MYRF: variants seen among roughly 807,000 people sequenced by gnomAD.
The protein encoded by MYRF is myelin regulatory factor, also known as myelin gene regulatory factor.
In MYRF, 16 loss-of-function variants were observed where a neutral mutation model predicts 126.3. That is an observed-to-expected ratio of 0.13 (90% CI 0.09 to 0.19). The LOEUF (loss-of-function observed/expected upper bound fraction) is 0.19, where lower values mean the gene tolerates loss of function less well. Ranked by LOEUF, MYRF falls within the 10% of genes least tolerant of loss-of-function variation. The pLI, the probability that MYRF is intolerant of heterozygous loss-of-function variation, is 1.00. For synonymous variants in MYRF, 608 were observed against 635.3 expected, an observed-to-expected ratio of 0.96 and a Z score of 0.65; for missense variants, 1,104 against 1,547.0, an observed-to-expected ratio of 0.71 and a Z score of 4.80.
At chr11:61,773,524 TCCA>T (rs1414307131) in intron 7 of MYRF, among the ~76,000 whole-genome samples, 2 of 152,168 alleles carry the variant, frequency 1.3e-5, no homozygotes, top group African/African-American at 4.8e-5. Flanking sequence ...GGCGCCTGGT[TCCA>T]CCGTTTCCAG....
intron 16 of MYRF, 42 bp downstream of exon 16, chr11:61,779,612 C>T (rs1463643971): frequency 6.9e-7 from 1 of 1,452,576 alleles, no homozygotes; most frequent in South Asian, 1.5e-5. Context: ...GAAAGGGGGC[C>T]TCCCTTGTGG....
intron 1 of MYRF, among the ~76,000 whole-genome samples, chr11:61,763,486 CTG>C (rs2065958375): frequency 6.6e-6 from 1 of 152,260 alleles, no homozygotes; most frequent in Admixed American, 6.5e-5. Flanking sequence ...GTCACTGTCT[CTG>C]TCATGGTCAG....
intron 4 of MYRF, among the ~76,000 whole-genome samples, chr11:61,769,916 C>T (rs1193800678): frequency 6.6e-6 from 1 of 151,978 alleles, no homozygotes; most frequent in Non-Finnish European, 1.5e-5. Flanking sequence ...GAGACGCCTT[C>T]CTGAGGCCCA....
At chr11:61,767,499 C>T in intron 3 of MYRF, 1 of 452,008 alleles carries the variant, frequency 2.2e-6, no homozygotes, top group Non-Finnish European at 4.5e-6. Flanking sequence ...CAGGAAGGGA[C>T]CCAGGGCCAG....
chr11:61,771,691 C>T lies in MYRF; in HGVS notation c.932C>T (p.Pro311Leu). 6.2e-7 allele frequency: 1 copy of T among 1,613,860 alleles called. No homozygotes were observed. Among genetic ancestry groups the T allele is most frequent in the Non-Finnish European group, 8.5e-7 (1 of 1,179,982 alleles). Reference protein sequence around the residue: ...GPLSPGPGSLPLSIARVQTPP... With the variant: ...GPLSPGPGSLLLSIARVQTPP... ...CTCTCCCCGGGCCCTGGTTCCTTGC[C>T]TCTCAGCATTGCCCGTGTCCAGACA... The change falls in exon 6 of 27, where the codon CCT becomes CTT. Residue 311 changes from proline to leucine, a missense_variant. Transcript: ENST00000278836.
intron 1 of MYRF, among the ~76,000 whole-genome samples, chr11:61,761,433 G>T (rs2065897777): frequency 6.6e-6 from 1 of 152,204 alleles, no homozygotes. Flanking sequence ...GAGCGGAGGG[G>T]AGGGGGCTGC....
rs1342200708 is a variant in MYRF at position 61,778,701 on chromosome 11, G to T, written c.2013+212G>T. ...GGTAGGGATTTGGCCCCTGGAGCCT[G>T]TGTGATCAAGGGCAAGAGAAACCCT... On this transcript the variant is annotated intron_variant, in intron 14 of 26. Coordinates refer to ENST00000278836, the MANE Select transcript of MYRF (RefSeq NM_001127392.3). The surrounding 1 kb of genome is among the most constrained non-coding windows in gnomAD (Gnocchi z 4.6). The T allele has an allele frequency of 4.5e-6, 3 of 660,234 alleles. No individual in the cohort carries two copies. In the African/African-American group the frequency reaches 5.3e-5, roughly 12 times the overall value. 40.9% of individuals were successfully genotyped at this position (660,234 alleles called of 1,614,324 possible). A position where few individuals can be genotyped will look rare whatever the true frequency, so the allele number is the denominator to read the frequency against.
rs768673505 is a variant in MYRF at position 61,788,427 on chromosome 11, G to A, written c.*2284G>A. ...GGTGGGCAGTGAGGGAAGCAGCCCC[G>A]GGCCTGCTTGCTTCCTGTCCCCGAA... On this transcript the variant is annotated 3_prime_UTR_variant, in exon 27 of 27. Transcript: ENST00000278836. The A allele has an allele frequency of 6.6e-6, 1 of 152,258 alleles. No individual in the cohort carries two copies. The highest frequency in any genetic ancestry group is 2.4e-5 in the African/African-American group (1 of 41,412). The allele number at this position is 152,258 out of a possible 1,614,324, so 9.4% of individuals were successfully genotyped here.
At chr11:61,781,530 G>A (rs751626042) in intron 21 of MYRF, 43 bp from the exon 22 acceptor site, 1 of 1,589,982 alleles carries the variant, frequency 6.3e-7, no homozygotes, top group South Asian at 1.1e-5. Context: ...ACAGGAAGCA[G>A]CCAGCTTCCA....
intron 17 of MYRF, 99 bp from the exon 18 acceptor site, chr11:61,780,123 G>A (rs2066500343): frequency 7.0e-7 from 1 of 1,436,626 alleles, no homozygotes; most frequent in South Asian, 1.2e-5. Flanking sequence ...GCATCACCTG[G>A]GAGCCCAGCC....
rs2066451813 is a variant in MYRF at position 61,778,612 on chromosome 11, A to C, written c.2013+123A>C. ...AGAGGCAGGAGCACCCTCGGCTCTC[A>C]TGCTGCCTCCAGAGCGCCCTCTGCA... On this transcript the variant is annotated intron_variant, in intron 14 of 26. Transcript: ENST00000278836. The surrounding 1 kb of genome is among the most constrained non-coding windows in gnomAD (Gnocchi z 4.6). 1.3e-6 allele frequency: 1 copy of C among 744,248 alleles called. No individual in the cohort carries two copies. The highest frequency in any genetic ancestry group is 1.7e-5 in the African/African-American group (1 of 58,258). The allele number at this position is 744,248 out of a possible 1,614,324, so 46.1% of individuals were successfully genotyped here.
At position 61,757,154 on chromosome 11, in the gene MYRF, A is replaced by G; in HGVS notation, c.46+4364A>G. The G allele has an allele frequency of 2.2e-6, 1 of 456,524 alleles. No homozygotes were observed. Among genetic ancestry groups the G allele is most frequent in the South Asian group, 1.5e-5 (1 of 64,546 alleles). 28.3% of individuals were successfully genotyped at this position (456,524 alleles called of 1,614,324 possible). On this transcript the variant is annotated intron_variant, in intron 1 of 26. Transcript: ENST00000278836. The surrounding 1 kb of genome is among the most constrained non-coding windows in gnomAD (Gnocchi z 4.7). ...TTTCTCTCATTGCCTTGGGTGCTGG[A>G]GTATGTGGGGCCTCCTCTCCTATCT...
At chr11:61,764,858 T>C (rs1473121219) in intron 1 of MYRF, among the ~76,000 whole-genome samples, 1 of 152,224 alleles carries the variant, frequency 6.6e-6, no homozygotes, top group East Asian at 1.9e-4. Flanking sequence ...AGTGGAGCTC[T>C]GGCGGCCATC....
intron 1 of MYRF, among the ~76,000 whole-genome samples, chr11:61,755,866 T>C (rs1565275953): frequency 6.6e-6 from 1 of 152,120 alleles, no homozygotes; most frequent in Non-Finnish European, 1.5e-5. Flanking sequence ...TTCCAGCAGG[T>C]GCTGGAAAGA....
chr11:61,776,296 C>G lies in MYRF; in HGVS notation c.1389-26C>G, dbSNP rs1243256056. 5.0e-6 allele frequency: 8 copies of G among 1,600,120 alleles called. No homozygotes were observed. Among genetic ancestry groups the G allele is most frequent in the Non-Finnish European group, 6.8e-6 (8 of 1,171,726 alleles). ...CTCTTGCAGCCTCCCTCCCTGCCCC[C>G]TGAGCACCCTGCCTCTCCTCTGCAG... On this transcript the variant is annotated intron_variant, in intron 9 of 26. Coordinates refer to ENST00000278836, the MANE Select transcript of MYRF (RefSeq NM_001127392.3). This position sits in a 1 kb window ranked among gnomAD's most constrained non-coding sequence, Gnocchi z 4.3.
intron 25 of MYRF, 32 bp downstream of exon 25, chr11:61,784,417 A>G: frequency 6.4e-7 from 1 of 1,569,972 alleles, no homozygotes; most frequent in East Asian, 2.2e-5. Flanking sequence ...CGGGCCGGCC[A>G]GGCCCGAGCT....
intron 3 of MYRF, 73 bp from the exon 4 acceptor site, chr11:61,769,187 G>A (rs1179204941): frequency 1.7e-5 from 15 of 877,646 alleles, no homozygotes; most frequent in Non-Finnish European, 2.2e-5. Flanking sequence ...ACCCTACCAC[G>A]CAGAGAAGCT....
rs755995836 is a variant in MYRF, at chr11:61,785,861, G to A, written c.3362G>A (p.Arg1121Gln). ...TTCCGTGAATTCACCTACCACTTCC[G>A]GGTGGCACTGCTGGTGAGCAGGGGC... is the stretch of plus-strand genomic sequence containing the variant. Reference protein sequence around the residue: ...LSFREFTYHFRVALLGQANCS... With the variant: ...LSFREFTYHFQVALLGQANCS... Residue 1121 changes from arginine to glutamine, a missense_variant, in exon 26 of 27, where the codon CGG becomes CAG. By Grantham distance (43) the Arg-to-Gln change is conservative. This residue lies in a region of MYRF where 94 missense variants were observed against 164.6 expected (regional missense o/e 0.57). Coordinates refer to ENST00000278836, the MANE Select transcript of MYRF (RefSeq NM_001127392.3). The A allele has an allele frequency of 7.4e-6, 12 of 1,613,974 alleles. No homozygotes were observed. The highest frequency in any genetic ancestry group is 4.4e-5 in the South Asian group (4 of 91,088).
chr11:61,775,455 CCACAG>C (rs1388514950), intron 8 of MYRF, among the ~76,000 whole-genome samples: 2 of 152,224 alleles, frequency 1.3e-5, no homozygotes, highest in Middle Eastern at 6.3e-3. Flanking sequence ...TTGGGAGGCA[CCACAG>C]CACAACCCCA....
Sources: gnomAD v4.1 joint callset for allele counts (sites outside exome capture counted in the v4.1 genomes callset) on GRCh38, gnomAD v4.1.1 for gene constraint, gnomAD v4.1.1 regional missense constraint, Gnocchi (gnomAD v3.1) non-coding constraint, MANE v1.5 for transcripts, NCBI Gene and HGNC (gene_info 2026-07-23, HGNC 2026-07-21) for gene names.